ARHGAP15: variants seen among roughly 807,000 people sequenced by gnomAD.
ARHGAP15 encodes the protein Rho GTPase activating protein 15.
A neutral mutation model predicts 63.7 loss-of-function variants in ARHGAP15; 51 were observed. The ratio of observed to expected loss-of-function variants is 0.80; its 90% CI spans 0.64 to 1.01. The LOEUF (loss-of-function observed/expected upper bound fraction) is 1.01, where lower values mean the gene tolerates loss of function less well. ARHGAP15 is among the 50% of genes least tolerant of loss of function. The probability of loss-of-function intolerance (pLI) is 0.00; values close to 1 mark genes in which losing one functional copy is unlikely to be tolerated. For synonymous variants in ARHGAP15, 191 were observed against 193.8 expected (o/e 0.99, Z 0.12); for missense variants, 560 against 564.6 (o/e 0.99, Z 0.08).
intron 1 of ARHGAP15, among the ~76,000 whole-genome samples, chr2:143,140,217 C>T (rs1689305078): frequency 6.6e-6 from 1 of 152,064 alleles, no homozygotes; most frequent in African/African-American, 2.4e-5. Flanking sequence ...TTTCTCAATA[C>T]AGCTGTGTGG....
At chr2:143,459,863 T>C (rs1183968123) in intron 8 of ARHGAP15, among the ~76,000 whole-genome samples, 1 of 152,136 alleles carries the variant, frequency 6.6e-6, no homozygotes, top group African/African-American at 2.4e-5. Flanking sequence ...TGTGGAAGCA[T>C]AATTCTAAGT....
chr2:143,373,870 C>T (rs1464784369), intron 6 of ARHGAP15, among the ~76,000 whole-genome samples: 1 of 151,890 alleles, frequency 6.6e-6, no homozygotes, highest in Admixed American at 6.6e-5. Flanking sequence ...TCTATGTCTC[C>T]TAATGAAAGA....
chr2:143,566,139 A>C (rs957477181), intron 11 of ARHGAP15, among the ~76,000 whole-genome samples: 1 of 152,190 alleles, frequency 6.6e-6, no homozygotes, highest in Non-Finnish European at 1.5e-5. Context: ...ATAAATATTC[A>C]AAGTTAACAA....
At chr2:143,707,090 T>C (rs1022737993) in intron 13 of ARHGAP15, among the ~76,000 whole-genome samples, 15 of 152,156 alleles carry the variant, frequency 9.9e-5, no homozygotes, top group African/African-American at 3.4e-4. Context: ...GTTAACCTTT[T>C]ATGAACCAGA....
At chr2:143,133,672 A>G (rs1363814740) in intron 1 of ARHGAP15, among the ~76,000 whole-genome samples, 2 of 152,192 alleles carry the variant, frequency 1.3e-5, no homozygotes, top group Non-Finnish European at 2.9e-5. Context: ...TTAAGAATAG[A>G]TGATATAGTG....
chr2:143,323,478 T>A (rs540724954), intron 6 of ARHGAP15, among the ~76,000 whole-genome samples: 2 of 152,336 alleles, frequency 1.3e-5, no homozygotes, highest in East Asian at 3.9e-4. Flanking sequence ...CACACAAAAC[T>A]ATAAACACTT....
At chr2:143,237,477 G>C in intron 5 of ARHGAP15, 1 of 152,148 alleles carries the variant, frequency 6.6e-6, no homozygotes, top group East Asian at 1.9e-4. Context: ...AACAAGCAGA[G>C]CTATCCATCT....
chr2:143,280,285 A>G (rs557018987), intron 6 of ARHGAP15, among the ~76,000 whole-genome samples: 1 of 152,280 alleles, frequency 6.6e-6, no homozygotes, highest in Admixed American at 6.5e-5. Context: ...GCCAGGCATC[A>G]GGAACTGGGC....
At chr2:143,474,890 T>C (rs545108328) in intron 8 of ARHGAP15, among the ~76,000 whole-genome samples, 1 of 152,318 alleles carries the variant, frequency 6.6e-6, no homozygotes, top group South Asian at 2.1e-4. Context: ...AAGTAAAATA[T>C]TTGGGATAAC....
intron 13 of ARHGAP15, among the ~76,000 whole-genome samples, chr2:143,752,047 C>T: frequency 6.6e-6 from 1 of 152,146 alleles, no homozygotes. Flanking sequence ...TATTTTGTTC[C>T]AGAGGATGCT....
chr2:143,441,066 A>T (rs974761045), intron 8 of ARHGAP15, among the ~76,000 whole-genome samples: 3 of 152,092 alleles, frequency 2.0e-5, no homozygotes, highest in Non-Finnish European at 2.9e-5. Context: ...ACATGTAAAT[A>T]CTTAGCTCAT....
intron 2 of ARHGAP15, among the ~76,000 whole-genome samples, chr2:143,181,818 C>A (rs1691245514): frequency 6.6e-6 from 1 of 152,220 alleles, no homozygotes; most frequent in Non-Finnish European, 1.5e-5. Context: ...ACTGTAGGGG[C>A]ACTTTTAATT....
intron 11 of ARHGAP15, among the ~76,000 whole-genome samples, chr2:143,610,239 A>G (rs1456715882): frequency 6.6e-6 from 1 of 152,184 alleles, no homozygotes; most frequent in Admixed American, 6.5e-5. Flanking sequence ...TCTGTAAGTG[A>G]TATGGAAAGT....
chr2:143,333,140 T>A (rs1684622680), intron 6 of ARHGAP15, among the ~76,000 whole-genome samples: 3 of 152,172 alleles, frequency 2.0e-5, no homozygotes, highest in Admixed American at 2.0e-4. Flanking sequence ...GGCAATCCTT[T>A]GTGAATAATG....
At chr2:143,247,315 C>A (rs941058214) in intron 5 of ARHGAP15, 1 of 152,556 alleles carries the variant, frequency 6.6e-6, no homozygotes, top group Non-Finnish European at 1.5e-5. Context: ...AGCCCTCCGC[C>A]ACTGGGCTGT....
chr2:143,670,108 C>T (rs1251435414), intron 12 of ARHGAP15, among the ~76,000 whole-genome samples: 1 of 152,130 alleles, frequency 6.6e-6, no homozygotes, highest in Non-Finnish European at 1.5e-5. Flanking sequence ...ATGGAATAGA[C>T]AGAAGAGGCT....
At chr2:143,251,530 GT>G (rs1339000652) in intron 6 of ARHGAP15, among the ~76,000 whole-genome samples, 7 of 151,958 alleles carry the variant, frequency 4.6e-5, no homozygotes, top group Non-Finnish European at 8.8e-5. Flanking sequence ...CTGGTTTCCA[GT>G]TCGGTTTGTA....
chr2:143,762,674 G>A (rs1686801855), intron 13 of ARHGAP15, among the ~76,000 whole-genome samples: 1 of 151,952 alleles, frequency 6.6e-6, no homozygotes, highest in Non-Finnish European at 1.5e-5. Context: ...AGTAATTTAG[G>A]GAGGACACAA....
In ARHGAP15 at chr2:143,199,588, G is replaced by A. The variant is rs911353539; in HGVS notation, c.166-2546G>A. ...CCCAGCCAGGGTGTAAGGAAAGAGA[G>A]GACATGGAGGGGAAACACTCCCTGG... is the stretch of plus-strand genomic sequence containing the variant. On this transcript the variant is annotated intron_variant, in intron 2 of 13. Coordinates refer to ENST00000295095, the MANE Select transcript of ARHGAP15 (RefSeq NM_018460.4). 9.2e-5 allele frequency among the ~76,000 whole-genome samples: 14 copies of A among 152,172 alleles called. 1 individual carries two copies. The South Asian group carries it at 2.3e-3, about 25-fold the overall frequency.
Sources: allele counts gnomAD v4.1 joint callset (sites outside exome capture counted in the v4.1 genomes callset), GRCh38; gene constraint gnomAD v4.1.1; transcripts MANE v1.5; gene names NCBI Gene and HGNC (gene_info 2026-07-23, HGNC 2026-07-21).